HIGD2B: variants seen among roughly 807,000 people sequenced by gnomAD.
HIGD2B encodes HIG1 domain family member 2B.
For synonymous variants in HIGD2B, 45 were observed against 28.1 expected (o/e 1.60, Z -1.90); for missense variants, 106 against 67.0 (o/e 1.58, Z -2.03).
chr15:72,675,972 G>A lies in HIGD2B; in HGVS notation c.*82C>T. On this transcript the variant is annotated 3_prime_UTR_variant, in exon 3 of 3. Transcript: ENST00000311755. ...CGACACAGGGACCTCTCAAAGGAGA[G>A]GAGAGAGTAAGTCCCATGGTAGGGC... is the stretch of plus-strand genomic sequence containing the variant. 2 of 639,422 alleles carry A rather than the reference G, an allele frequency of 3.1e-6. No homozygotes were observed. The highest frequency in any genetic ancestry group is 5.7e-6 in the Non-Finnish European group (2 of 352,170). 39.6% of individuals were successfully genotyped at this position (639,422 alleles called of 1,614,324 possible).
At chr15:72,676,444 G>A (rs2064693951) in intron 2 of HIGD2B, 57 bp from the exon 3 acceptor site, 1 of 626,576 alleles carries the variant, frequency 1.6e-6, no homozygotes, top group Non-Finnish European at 2.8e-6. Context: ...TTGCTCTGTA[G>A]CCCAGGCTGG....
rs984127157 is a variant in HIGD2B, at chr15:72,683,267, T to A, written c.-193+2551A>T. ...ATGTTGTATATTCTCTGTAGAGGAG[T>A]GTTGGGGATTCCCCACATCAGCAGA... On this transcript the variant is annotated intron_variant, in intron 1 of 2. Coordinates refer to ENST00000311755, the MANE Select transcript of HIGD2B (RefSeq NM_001350932.3). Among the ~76,000 whole-genome samples the A allele has an allele frequency of 2.6e-5, 4 of 152,266 alleles. No homozygotes were observed. In the South Asian group the frequency reaches 8.3e-4, roughly 32 times the overall value.
At chr15:72,678,929 C>T (rs1422046925) in intron 2 of HIGD2B, among the ~76,000 whole-genome samples, 2 of 150,828 alleles carry the variant, frequency 1.3e-5, no homozygotes, top group Admixed American at 6.6e-5. Context: ...CCTAGGAATT[C>T]GAGGCTACAA....
intron 2 of HIGD2B, among the ~76,000 whole-genome samples, chr15:72,678,462 AT>A (rs1280358564): frequency 6.6e-6 from 1 of 151,824 alleles, no homozygotes; most frequent in African/African-American, 2.4e-5. Flanking sequence ...TGCCTGGCTA[AT>A]TTTTTTGTAT....
Position 72,676,205 on chromosome 15 carries a change from G to A in HIGD2B, c.170C>T (p.Ala57Val), listed in dbSNP as rs774583212. The A allele has an allele frequency of 1.2e-5, 9 of 764,090 alleles. No homozygotes were observed. Among genetic ancestry groups the A allele is most frequent in the Non-Finnish European group, 2.2e-5 (9 of 416,536 alleles). 47.3% of individuals were successfully genotyped at this position (764,090 alleles called of 1,614,324 possible). A position where few individuals can be genotyped will look rare whatever the true frequency, so the allele number is the denominator to read the frequency against. Reference sequence around the variant, plus strand: ...GTAGAGGCCGTTGGTGAGGACGGCCGCCGTGCACAGGAAACCTATGGGTAC... The same window carrying A: ...GTAGAGGCCGTTGGTGAGGACGGCCACCGTGCACAGGAAACCTATGGGTAC... ...PVVPIGFLCTAAVLTNGLYCF... is the reference protein window; with the variant it reads ...PVVPIGFLCTVAVLTNGLYCF... The change falls in exon 3 of 3, where the codon GCG (alanine) becomes GTG (valine). Residue 57 changes from alanine to valine, a missense_variant. By Grantham distance (64) the Ala-to-Val change is moderately conservative. Transcript: ENST00000311755.
chr15:72,681,599 ATT>A (rs1266238285), intron 1 of HIGD2B, among the ~76,000 whole-genome samples: 36 of 117,352 alleles, frequency 3.1e-4, no homozygotes, highest in Admixed American at 3.4e-4. Context: ...TTGAACCAAA[ATT>A]TTTTTTTTTT....
rs543637265 is a variant in HIGD2B at position 72,686,063 on chromosome 15, C to T, written c.-438G>A. The T allele has an allele frequency of 2.4e-5, 18 of 756,146 alleles. 1 individual carries two copies. The East Asian group carries it at 4.8e-4, about 20-fold the overall frequency. The allele number at this position is 756,146 out of a possible 1,614,324, so 46.8% of individuals were successfully genotyped here. On this transcript the variant is annotated 5_prime_UTR_variant, in exon 1 of 3. Transcript: ENST00000311755. The stretch of plus-strand genomic sequence containing the variant: ...CTCCCCGACTCTTTCAGAGGTAAGC[C>T]TTCTGTGGAGCAGACCCTAATCCTC...
chr15:72,681,599 A>ATGTTT (rs1316907223), intron 1 of HIGD2B, among the ~76,000 whole-genome samples: 12 of 117,394 alleles, frequency 1.0e-4, no homozygotes, highest in African/African-American at 2.1e-4. Context: ...TTGAACCAAA[A>ATGTTT]TTTTTTTTTT....
rs1424749240 is a variant in HIGD2B at position 72,686,151 on chromosome 15, C to T, written c.-526G>A. On this transcript the variant is annotated 5_prime_UTR_variant, in exon 1 of 3. It adds an upstream start codon to the 5' untranslated region. Transcript: ENST00000311755. ...TCCCCCGCTTCCTCACAGTCCTCCA[C>T]AGCCCTACGACTTCCGCTTGCCTCG... is the stretch of plus-strand genomic sequence containing the variant. The T allele has an allele frequency of 4.1e-6, 6 of 1,455,718 alleles. No homozygotes were observed. In the African/African-American group the frequency reaches 5.6e-5, roughly 14 times the overall value. The allele number at this position is 1,455,718 out of a possible 1,614,324, so 90.2% of individuals were successfully genotyped here.
intron 1 of HIGD2B, among the ~76,000 whole-genome samples, chr15:72,681,539 A>G (rs759714442): frequency 2.0e-4 from 30 of 152,148 alleles, no homozygotes; most frequent in Middle Eastern, 3.4e-3. Context: ...TTTTTCTCCA[A>G]GCAAAACATT....
At chr15:72,681,056 T>C (rs930366131) in intron 1 of HIGD2B, among the ~76,000 whole-genome samples, 1 of 152,096 alleles carries the variant, frequency 6.6e-6, no homozygotes, top group African/African-American at 2.4e-5. Context: ...ACTTAGATAG[T>C]ACTTAGCTTC....
intron 1 of HIGD2B, among the ~76,000 whole-genome samples, chr15:72,684,456 A>T (rs1189980067): frequency 6.6e-6 from 1 of 152,134 alleles, no homozygotes; most frequent in Non-Finnish European, 1.5e-5. Context: ...GTTCAAGTCC[A>T]GTCTGGACAT....
At chr15:72,679,739 T>A (rs1051592959) in intron 2 of HIGD2B, among the ~76,000 whole-genome samples, 2 of 152,016 alleles carry the variant, frequency 1.3e-5, no homozygotes, top group Non-Finnish European at 2.9e-5. Context: ...TAAAAAACAC[T>A]TGCATTTTGG....
At chr15:72,677,678 A>G (rs1158570375) in intron 2 of HIGD2B, among the ~76,000 whole-genome samples, 4 of 151,676 alleles carry the variant, frequency 2.6e-5, no homozygotes, top group Non-Finnish European at 4.4e-5. Context: ...AAGAGGATCA[A>G]TTGAGCATCC....
At chr15:72,678,402 C>T (rs1165939373) in intron 2 of HIGD2B, among the ~76,000 whole-genome samples, 3 of 152,028 alleles carry the variant, frequency 2.0e-5, no homozygotes, top group Admixed American at 2.0e-4. Flanking sequence ...CTCAAGTGAT[C>T]CTCCTGCCTT....
At position 72,686,138 on chromosome 15, in the gene HIGD2B, T is replaced by TCACAGTCCTC; in HGVS notation, c.-523_-514dup. ...CGATTTACTTCCTTCCCCCGCTTCCTCACAGTCCTCCACAGCCCTACGACT... is the reference window on the plus strand; with the variant it reads ...CGATTTACTTCCTTCCCCCGCTTCCTCACAGTCCTCCACAGTCCTCCACAGCCCTACGACT... On this transcript the variant is annotated 5_prime_UTR_variant, in exon 1 of 3. Coordinates refer to ENST00000311755, the MANE Select transcript of HIGD2B (RefSeq NM_001350932.3). The TCACAGTCCTC allele has an allele frequency of 7.3e-7, 1 of 1,368,622 alleles. No individual in the cohort carries two copies. The highest frequency in any genetic ancestry group is 1.4e-5 in the African/African-American group (1 of 69,734). 84.8% of individuals were successfully genotyped at this position (1,368,622 alleles called of 1,614,324 possible). A position where few individuals can be genotyped will look rare whatever the true frequency, so the allele number is the denominator to read the frequency against.
rs1401985134 is a variant in HIGD2B, at chr15:72,680,003, T to TA, written c.-14+11_-14+12insT. Reference sequence around the variant, plus strand: ...TGGTAACCAACTGCTGGTCCAAACATTTCCTACTTACATGGAACAGTGGAA... The same window carrying TA: ...TGGTAACCAACTGCTGGTCCAAACATATTCCTACTTACATGGAACAGTGGAA... On this transcript the variant is annotated intron_variant, in intron 2 of 2. Coordinates refer to ENST00000311755, the MANE Select transcript of HIGD2B (RefSeq NM_001350932.3). 1.0e-5 allele frequency: 4 copies of TA among 386,332 alleles called. No individual in the cohort carries two copies. Among genetic ancestry groups the TA allele is most frequent in the African/African-American group, 2.1e-5 (1 of 46,772 alleles). 23.9% of individuals were successfully genotyped at this position (386,332 alleles called of 1,614,324 possible). A position where few individuals can be genotyped will look rare whatever the true frequency, so the allele number is the denominator to read the frequency against.
In HIGD2B at chr15:72,685,859, A is replaced by G. The variant is rs539085140; in HGVS notation, c.-234T>C. The stretch of plus-strand genomic sequence containing the variant: ...ATTCTCCGCCGAAATCTCCCGGAAG[A>G]AGGACTGAATTAAATGCAGATTAGA... On this transcript the variant is annotated 5_prime_UTR_variant, in exon 1 of 3. Coordinates refer to ENST00000311755, the MANE Select transcript of HIGD2B (RefSeq NM_001350932.3). The G allele has an allele frequency of 2.2e-3, 812 of 373,972 alleles. 11 individuals carry two copies. The highest frequency in any genetic ancestry group is 0.016 in the African/African-American group (773 of 48,758). 23.2% of individuals were successfully genotyped at this position (373,972 alleles called of 1,614,324 possible). A position where few individuals can be genotyped will look rare whatever the true frequency, so the allele number is the denominator to read the frequency against.
rs117912034 is a variant in HIGD2B at position 72,676,510 on chromosome 15, A to G, written c.-13-123T>C. The G allele has an allele frequency of 5.9e-5, 35 of 593,566 alleles. 1 individual carries two copies. The highest frequency in any genetic ancestry group is 5.8e-4 in the East Asian group (21 of 35,916). The allele number at this position is 593,566 out of a possible 1,614,324, so 36.8% of individuals were successfully genotyped here. A position where few individuals can be genotyped will look rare whatever the true frequency, so the allele number is the denominator to read the frequency against. On this transcript the variant is annotated intron_variant, in intron 2 of 2. Transcript: ENST00000311755. ...ACCTCTGCCTCCCTGGTCCCAGTTA[A>G]AGCAATTCTCCTGCTTCAGCCTTCC...
Sources: gnomAD v4.1 joint callset for allele counts (sites outside exome capture counted in the v4.1 genomes callset) on GRCh38, gnomAD v4.1.1 for gene constraint, MANE v1.5 for transcripts, NCBI Gene and HGNC (gene_info 2026-07-23, HGNC 2026-07-21) for gene names.